Variants in TNFSF4 observed in about 807,000 individuals in gnomAD.
TNFSF4 encodes tumor necrosis factor ligand superfamily member 4.
Under a neutral mutation model 7.3 loss-of-function variants are expected in TNFSF4, and 4 were observed. The observed-to-expected ratio is 0.55, with a 90% confidence interval of 0.27 to 1.25. The LOEUF is 1.25. Among genes scored for constraint, TNFSF4 ranks in the 50% most tolerant of loss-of-function variants. TNFSF4 has a pLI of 0.12. For synonymous variants in TNFSF4, 76 were observed against 83.7 expected (o/e 0.91, Z 0.50); for missense variants, 181 against 208.8 (o/e 0.87, Z 0.82).
At chr1:173,212,948 G>A in the TNFSF4 span, among the ~76,000 whole-genome samples, 2 of 152,006 alleles carry the variant, frequency 1.3e-5, no homozygotes, top group African/African-American at 4.8e-5. Context: ...AGTTCCTGAG[G>A]TTAGGAGTCC....
the TNFSF4 span, among the ~76,000 whole-genome samples, chr1:173,269,339 TCA>T: frequency 4.6e-5 from 7 of 152,168 alleles, no homozygotes; most frequent in Non-Finnish European, 1.0e-4. Flanking sequence ...TTTTACTTCT[TCA>T]CAGTTTCACA....
the TNFSF4 span, among the ~76,000 whole-genome samples, chr1:173,438,697 T>A: frequency 6.6e-6 from 1 of 152,210 alleles, no homozygotes; most frequent in South Asian, 2.1e-4. Flanking sequence ...AATTCAAAGA[T>A]CATGTAATAT....
chr1:173,244,623 CAG>C, the TNFSF4 span, among the ~76,000 whole-genome samples: 3 of 127,066 alleles, frequency 2.4e-5, no homozygotes, highest in Admixed American at 9.1e-5. Context: ...GCCTGGGCGA[CAG>C]AGCGAGACTC....
At chr1:173,300,347 G>A in the TNFSF4 span, among the ~76,000 whole-genome samples, 1 of 151,842 alleles carries the variant, frequency 6.6e-6, no homozygotes, top group Admixed American at 6.6e-5. Context: ...GGTATAGGAG[G>A]AGAGAAATCC....
At chr1:173,192,956 C>T (rs562151628) in intron 1 of TNFSF4, among the ~76,000 whole-genome samples, 2 of 152,042 alleles carry the variant, frequency 1.3e-5, no homozygotes, top group South Asian at 2.1e-4. Flanking sequence ...TGGATGCACA[C>T]GGAAAACAAT....
the TNFSF4 span, among the ~76,000 whole-genome samples, chr1:173,228,983 G>T: frequency 6.6e-6 from 1 of 152,190 alleles, no homozygotes. Flanking sequence ...CGGGGAGAAT[G>T]GAACCAAGTT....
At chr1:173,448,210 G>C in the TNFSF4 span, among the ~76,000 whole-genome samples, 1 of 152,164 alleles carries the variant, frequency 6.6e-6, no homozygotes, top group African/African-American at 2.4e-5. Context: ...GATAGAAGTA[G>C]ACAGAAAATC....
chr1:173,306,384 C>A, the TNFSF4 span, among the ~76,000 whole-genome samples: 2 of 151,886 alleles, frequency 1.3e-5, no homozygotes, highest in Admixed American at 1.3e-4. Flanking sequence ...CTTATTCCAC[C>A]TTCTCCTTCA....
the TNFSF4 span, among the ~76,000 whole-genome samples, chr1:173,288,912 T>A: frequency 1.3e-5 from 2 of 152,176 alleles, no homozygotes; most frequent in South Asian, 4.2e-4. Flanking sequence ...TTTTAAGAAA[T>A]TGTACACAGT....
the TNFSF4 span, among the ~76,000 whole-genome samples, chr1:173,364,402 TACAC>T: frequency 1.4e-5 from 2 of 147,586 alleles, no homozygotes; most frequent in East Asian, 4.0e-4. Context: ...TATATATATA[TACAC>T]ACACACATAT....
chr1:173,229,575 C>T, the TNFSF4 span, among the ~76,000 whole-genome samples: 4 of 152,158 alleles, frequency 2.6e-5, no homozygotes, highest in South Asian at 8.3e-4. Flanking sequence ...CAAATCCACA[C>T]ATAACAATAT....
the TNFSF4 span, among the ~76,000 whole-genome samples, chr1:173,332,812 C>T: frequency 6.6e-6 from 1 of 152,186 alleles, no homozygotes; most frequent in Non-Finnish European, 1.5e-5. Flanking sequence ...GGCCACTGCA[C>T]TCCAGCCTGG....
chr1:173,243,009 G>GGGGGGA, the TNFSF4 span, among the ~76,000 whole-genome samples: 2 of 116,788 alleles, frequency 1.7e-5, no homozygotes, highest in African/African-American at 6.3e-5. Context: ...GTGGGTGGGG[G>GGGGGGA]GGGGGGGGGA....
chr1:173,381,637 C>T, the TNFSF4 span, among the ~76,000 whole-genome samples: 1 of 152,196 alleles, frequency 6.6e-6, no homozygotes, highest in Non-Finnish European at 1.5e-5. Flanking sequence ...AAGAGTTCCC[C>T]TCTGGAGGAC....
chr1:173,202,947 C>T (rs1650008543), intron 1 of TNFSF4, among the ~76,000 whole-genome samples: 1 of 149,068 alleles, frequency 6.7e-6, no homozygotes, highest in African/African-American at 2.4e-5. Flanking sequence ...CCCCAGAAGG[C>T]TGAGGCAGCC....
chr1:173,375,123 G>C, the TNFSF4 span, among the ~76,000 whole-genome samples: 1 of 152,274 alleles, frequency 6.6e-6, no homozygotes, highest in South Asian at 2.1e-4. Context: ...CAGCCATCTT[G>C]CTATTACTCG....
chr1:173,194,767 C>G (rs551677840), intron 1 of TNFSF4, among the ~76,000 whole-genome samples: 1 of 151,616 alleles, frequency 6.6e-6, no homozygotes, highest in Non-Finnish European at 1.5e-5. Context: ...TGGTGGTACA[C>G]CTCTGTGGTC....
the TNFSF4 span, among the ~76,000 whole-genome samples, chr1:173,324,958 A>G: frequency 1.1e-4 from 16 of 152,268 alleles, no homozygotes; most frequent in South Asian, 1.7e-3. Flanking sequence ...AGATCAACGC[A>G]ACAGAAAGTT....
chr1:173,260,124 C>G, the TNFSF4 span, among the ~76,000 whole-genome samples: 2 of 152,154 alleles, frequency 1.3e-5, no homozygotes, highest in Non-Finnish European at 2.9e-5. Flanking sequence ...AGAATCCCAT[C>G]AGACTAACAG....
Sources: gnomAD v4.1 joint callset for allele counts (sites outside exome capture counted in the v4.1 genomes callset) on GRCh38, gnomAD v4.1.1 for gene constraint, MANE v1.5 for transcripts, NCBI Gene and HGNC (gene_info 2026-07-23, HGNC 2026-07-21) for gene names.